ADSS2: variants seen among roughly 807,000 people sequenced by gnomAD.
ADSS2 encodes adenylosuccinate synthetase isozyme 2.
A neutral mutation model predicts 60.0 loss-of-function variants in ADSS2; 30 were observed. That is an observed-to-expected ratio of 0.50 (90% confidence interval 0.37 to 0.68). ADSS2 has a LOEUF of 0.68. ADSS2 is among the 30% of genes least tolerant of loss of function. ADSS2 has a pLI of 0.00. For synonymous variants in ADSS2, 187 were observed against 193.1 expected (o/e 0.97, Z 0.26); for missense variants, 373 against 554.8 (o/e 0.67, Z 3.29).
At chr1:244,428,429 C>T (rs1664856702) in intron 4 of ADSS2, among the ~76,000 whole-genome samples, 2 of 150,694 alleles carry the variant, frequency 1.3e-5, no homozygotes, top group African/African-American at 4.9e-5. Context: ...ATATCGCTAA[C>T]ATAATTACAT....
chr1:244,427,729 T>C (rs1371434467), intron 4 of ADSS2, among the ~76,000 whole-genome samples: 1 of 152,280 alleles, frequency 6.6e-6, no homozygotes, highest in South Asian at 2.1e-4. Flanking sequence ...AAGGATATTG[T>C]GGTATTAACA....
chr1:244,423,930 A>AT, intron 6 of ADSS2, 23 bp downstream of exon 6: 1 of 1,579,004 alleles, frequency 6.3e-7, no homozygotes, highest in Non-Finnish European at 8.6e-7. Context: ...CATTCCTTCC[A>AT]TTTTGAAACA....
chr1:244,412,794 GACAT>G (rs1222547841), intron 11 of ADSS2, among the ~76,000 whole-genome samples: 1 of 152,186 alleles, frequency 6.6e-6, no homozygotes, highest in Non-Finnish European at 1.5e-5. Flanking sequence ...CATCTGAGTT[GACAT>G]ACTTGAAAAT....
chr1:244,438,798 T>G (rs1017347246), intron 1 of ADSS2, among the ~76,000 whole-genome samples: 2 of 152,218 alleles, frequency 1.3e-5, no homozygotes, highest in East Asian at 1.9e-4. Flanking sequence ...TACATACATT[T>G]ATGTGTTGCA....
At chr1:244,432,655 A>G in intron 3 of ADSS2, 60 bp from the exon 4 acceptor site, 3 of 801,450 alleles carry the variant, frequency 3.7e-6, no homozygotes, top group Non-Finnish European at 3.8e-6. Flanking sequence ...TTAAAATCTT[A>G]ATTTCTTTTT....
chr1:244,447,986 A>G (rs1665435889), intron 1 of ADSS2, among the ~76,000 whole-genome samples: 1 of 152,214 alleles, frequency 6.6e-6, no homozygotes, highest in Non-Finnish European at 1.5e-5. Context: ...ACAGTAACCA[A>G]ACAGAACAAG....
At chr1:244,413,191 C>T (rs534239322) in intron 11 of ADSS2, among the ~76,000 whole-genome samples, 14 of 152,170 alleles carry the variant, frequency 9.2e-5, no homozygotes, top group Non-Finnish European at 1.8e-4. Context: ...TGGTATGGGA[C>T]TATCCTCTCA....
Position 244,451,842 on chromosome 1 carries a change from C to G in ADSS2, c.-25G>C. 1.3e-6 allele frequency: 2 copies of G among 1,546,752 alleles called. No homozygotes were observed. The highest frequency in any genetic ancestry group is 1.7e-6 in the Non-Finnish European group (2 of 1,149,198). ...TGGCTCCAGTGACGCGAGGAGAGCC[C>G]GAAGGAGAGGCGGCCGGCGAGGAGT... On this transcript the variant is annotated 5_prime_UTR_variant, in exon 1 of 13. Transcript: ENST00000366535. The surrounding 1 kb of genome is among the most constrained non-coding windows in gnomAD (Gnocchi z 6.6).
chr1:244,428,627 G>A (rs1206434135), intron 4 of ADSS2, among the ~76,000 whole-genome samples: 1 of 151,376 alleles, frequency 6.6e-6, no homozygotes, highest in Non-Finnish European at 1.5e-5. Flanking sequence ...AAAGTAGAAA[G>A]AAGAGAAAGA....
intron 3 of ADSS2, among the ~76,000 whole-genome samples, chr1:244,434,726 CTTA>C (rs747809430): frequency 2.0e-5 from 3 of 151,956 alleles, no homozygotes; most frequent in Non-Finnish European, 4.4e-5. Flanking sequence ...GTAGGACAAA[CTTA>C]TTAAAGGAGA....
At chr1:244,437,081 C>T (rs766819628) in intron 2 of ADSS2, among the ~76,000 whole-genome samples, 188 bp from the exon 3 acceptor site, 1 of 152,060 alleles carries the variant, frequency 6.6e-6, no homozygotes, top group Non-Finnish European at 1.5e-5. Flanking sequence ...CTCAATGAAG[C>T]TGAAAATTTC....
In ADSS2 at chr1:244,451,819, G is replaced by A. The variant is rs1011110900; in HGVS notation, c.-2C>T. The A allele has an allele frequency of 6.3e-7, 1 of 1,581,016 alleles. No individual in the cohort carries two copies. Among genetic ancestry groups the A allele is most frequent in the Non-Finnish European group, 8.6e-7 (1 of 1,166,210 alleles). On this transcript the variant is annotated 5_prime_UTR_variant, in exon 1 of 13. Transcript: ENST00000366535. This position sits in a 1 kb window ranked among gnomAD's most constrained non-coding sequence, Gnocchi z 6.6. Reference sequence around the variant, plus strand: ...CGGGTAGGTCTCGGCGAACGCCATGGCTCCAGTGACGCGAGGAGAGCCCGA... The same window carrying A: ...CGGGTAGGTCTCGGCGAACGCCATGACTCCAGTGACGCGAGGAGAGCCCGA...
chr1:244,428,368 TTA>T (rs1664854910), intron 4 of ADSS2, among the ~76,000 whole-genome samples: 1 of 152,108 alleles, frequency 6.6e-6, no homozygotes, highest in African/African-American at 2.4e-5. Flanking sequence ...AAAATAGAAA[TTA>T]TGTTATTTTG....
intron 9 of ADSS2, 133 bp from the exon 10 acceptor site, chr1:244,417,885 G>C: frequency 2.5e-6 from 2 of 786,886 alleles, no homozygotes; most frequent in Non-Finnish European, 3.8e-6. Context: ...ATTGAAGATA[G>C]AATTCCACAG....
intron 4 of ADSS2, among the ~76,000 whole-genome samples, chr1:244,427,392 A>C (rs1192926943): frequency 6.6e-6 from 1 of 152,194 alleles, no homozygotes; most frequent in Non-Finnish European, 1.5e-5. Context: ...ATAATATTAA[A>C]AATGTTCAAT....
In ADSS2 at chr1:244,417,555, C is replaced by T. The variant is rs1037401439; in HGVS notation, c.1070+73G>A. ...AGAGTGAAATTTTCCTATTAAGGTA[C>T]TCCACAAAATTAAACCTATGGCCAT... On this transcript the variant is annotated intron_variant, in intron 10 of 12. Coordinates refer to ENST00000366535, the MANE Select transcript of ADSS2 (RefSeq NM_001126.5). The T allele has an allele frequency of 5.8e-6, 9 of 1,544,126 alleles. No homozygotes were observed. In the African/African-American group the frequency reaches 8.2e-5, roughly 14 times the overall value.
chr1:244,414,387 A>G (rs1293529273), intron 11 of ADSS2, among the ~76,000 whole-genome samples: 1 of 152,224 alleles, frequency 6.6e-6, no homozygotes, highest in Non-Finnish European at 1.5e-5. Context: ...AGTAGAGAAG[A>G]GAGCTAAATG....
intron 7 of ADSS2, 28 bp from the exon 8 acceptor site, chr1:244,420,324 C>T (rs1458081314): frequency 1.3e-6 from 2 of 1,577,656 alleles, no homozygotes; most frequent in Admixed American, 3.6e-5. Flanking sequence ...AACCAATTTC[C>T]ATGTATACTA....
rs1041261754 is a variant in ADSS2, at chr1:244,435,880, C to G, written c.355+945G>C. On this transcript the variant is annotated intron_variant, in intron 3 of 12. Coordinates refer to ENST00000366535, the MANE Select transcript of ADSS2 (RefSeq NM_001126.5). ...AGTATCTGTATCAGCTGGCAAACAG[C>G]AGCAACAACGAAGCAGGCTTCCAGT... Among the ~76,000 whole-genome samples the G allele has an allele frequency of 2.6e-5, 4 of 152,326 alleles. No individual in the cohort carries two copies. In the East Asian group the frequency reaches 7.7e-4, roughly 29 times the overall value.
Sources: gnomAD v4.1 joint callset for allele counts (sites outside exome capture counted in the v4.1 genomes callset) on GRCh38, gnomAD v4.1.1 for gene constraint, Gnocchi (gnomAD v3.1) non-coding constraint, MANE v1.5 for transcripts, NCBI Gene and HGNC (gene_info 2026-07-23, HGNC 2026-07-21) for gene names.